The following DENND1C variants were observed in gnomAD, a reference collection of about 807,000 sequenced individuals.
DENND1C encodes DENN domain containing 1C, also known as DENN domain-containing protein 1C.
In DENND1C, 64 loss-of-function variants were observed where a neutral mutation model predicts 87.9. That is an observed-to-expected ratio of 0.73 (90% CI 0.60 to 0.90). DENND1C has a LOEUF of 0.90. Ranked by LOEUF, DENND1C falls within the 40% of genes least tolerant of loss-of-function variation. The pLI is 0.00. For synonymous variants in DENND1C, 384 were observed against 424.4 expected (o/e 0.90, Z 1.17); for missense variants, 980 against 1,037.0 (o/e 0.95, Z 0.76).
In DENND1C at chr19:6,477,801, C is replaced by A. The variant is rs559484409; in HGVS notation, c.367-343G>T. On this transcript the variant is annotated intron_variant, in intron 6 of 22. Transcript: ENST00000381480. ...CTTGTAGGCCGGGCGCGGTGGCTCG[C>A]GCCTGTAATCCCAACCCTTTGGGAG... Among the ~76,000 whole-genome samples, 13 of 148,602 alleles carry A rather than the reference C, an allele frequency of 8.7e-5. No homozygotes were observed. The East Asian group carries it at 2.7e-3, about 31-fold the overall frequency.
chr19:6,478,413 T>TA (rs1004194110), intron 6 of DENND1C, among the ~76,000 whole-genome samples: 1 of 150,426 alleles, frequency 6.6e-6, no homozygotes, highest in African/African-American at 2.4e-5. Context: ...CGGCTAATTT[T>TA]TTTTTTTTTT....
chr19:6,473,752 G>C (rs2092843119), intron 14 of DENND1C, among the ~76,000 whole-genome samples: 1 of 141,454 alleles, frequency 7.1e-6, no homozygotes, highest in South Asian at 2.4e-4. Flanking sequence ...CACCGACCCG[G>C]CTGATTTAAG....
At chr19:6,469,905 G>A (rs2092818197) in intron 18 of DENND1C, 2 of 518,074 alleles carry the variant, frequency 3.9e-6, no homozygotes, top group East Asian at 3.2e-5. Context: ...TTTCAAAGCG[G>A]TGAAGAACAA....
At chr19:6,480,372 GA>G (rs1393812066) in intron 1 of DENND1C, 6 of 1,294,880 alleles carry the variant, frequency 4.6e-6, no homozygotes, top group African/African-American at 1.5e-5. Flanking sequence ...CTGAAAAGAT[GA>G]GACTGTCTCC....
At chr19:6,472,351 T>TC (rs1223057784) in intron 15 of DENND1C, among the ~76,000 whole-genome samples, 1 of 152,052 alleles carries the variant, frequency 6.6e-6, no homozygotes, top group East Asian at 1.9e-4. Context: ...GTAGGTCTTG[T>TC]CCCCCAGGAA....
At position 6,481,731 on chromosome 19, in the gene DENND1C, C is replaced by T. The variant is rs768701420; in HGVS notation, c.-36G>A. On this transcript the variant is annotated 5_prime_UTR_variant, in exon 1 of 23. Coordinates refer to ENST00000381480, the MANE Select transcript of DENND1C (RefSeq NM_024898.4). ...GGGCCAGCCCAGCGGGGCCCTCTCCCCAGGGGTCCTGGGGGCCTGTGTATG... is the reference window on the plus strand; with the variant it reads ...GGGCCAGCCCAGCGGGGCCCTCTCCTCAGGGGTCCTGGGGGCCTGTGTATG... 13 of 1,542,132 alleles carry T rather than the reference C, an allele frequency of 8.4e-6. No homozygotes were observed. In the African/African-American group the frequency reaches 1.8e-4, roughly 22 times the overall value.
intron 1 of DENND1C, among the ~76,000 whole-genome samples, chr19:6,481,233 A>T (rs1372894683): frequency 6.6e-6 from 1 of 151,664 alleles, no homozygotes; most frequent in Non-Finnish European, 1.5e-5. Flanking sequence ...CTGCACACAC[A>T]CTGTCCCGCC....
chr19:6,472,381 C>CA (rs1283836888), intron 15 of DENND1C, among the ~76,000 whole-genome samples: 1 of 152,058 alleles, frequency 6.6e-6, no homozygotes, highest in Non-Finnish European at 1.5e-5. Context: ...TGGGGGCTCC[C>CA]ATGTTTTTGT....
chr19:6,478,908 T>C (rs1288916784), intron 5 of DENND1C, 29 bp downstream of exon 5: 1 of 1,612,854 alleles, frequency 6.2e-7, no homozygotes, highest in Non-Finnish European at 8.5e-7. Context: ...GCCTTTCCCA[T>C]CCCCCCCTCC....
In DENND1C at chr19:6,468,460, C is replaced by G; in HGVS notation, c.1584-19G>C. 1 of 1,604,266 alleles carries G rather than the reference C, an allele frequency of 6.2e-7. No individual in the cohort carries two copies. ...GGGTGTCCTGGGTGAGGATGGGCAGCCTCAGATATTTGCCCAAGACCCCCA... is the reference window on the plus strand; with the variant it reads ...GGGTGTCCTGGGTGAGGATGGGCAGGCTCAGATATTTGCCCAAGACCCCCA... On this transcript the variant is annotated intron_variant, in intron 21 of 22. Coordinates refer to ENST00000381480, the MANE Select transcript of DENND1C (RefSeq NM_024898.4).
At chr19:6,479,632 A>G (rs1228478674) in intron 4 of DENND1C, 37 bp downstream of exon 4, 1 of 1,613,350 alleles carries the variant, frequency 6.2e-7, no homozygotes, top group Admixed American at 1.7e-5. Context: ...GAGAGATCTG[A>G]GTCCCTGAGT....
In DENND1C at chr19:6,467,659, G is replaced by C. The variant is rs760319460; in HGVS notation, c.2251C>G (p.Pro751Ala). 6.5e-7 allele frequency: 1 copy of C among 1,533,676 alleles called. No individual in the cohort carries two copies. The highest frequency in any genetic ancestry group is 8.7e-7 in the Non-Finnish European group (1 of 1,143,202). Reference sequence around the variant, plus strand: ...CGCTCTGCCAGCAGGGCTTTGGGAGGCCGGGCTCTGGGGTCCTCCAGAGAA... The same window carrying C: ...CGCTCTGCCAGCAGGGCTTTGGGAGCCCGGGCTCTGGGGTCCTCCAGAGAA... The part of the protein sequence containing the change: ...PSSLEDPRAR[P>A]PKALLAERAH... The change falls in exon 23 of 23, where the codon CCT becomes GCT. Residue 751 changes from proline (P) to alanine (A), a missense_variant. Transcript: ENST00000381480.
In DENND1C at chr19:6,467,374, G is replaced by A; in HGVS notation, c.*130C>T. On this transcript the variant is annotated 3_prime_UTR_variant, in exon 23 of 23. Transcript: ENST00000381480. ...CAGTTAGAGAGGCTGCCCTTGGAGG[G>A]ACAGAGGTGGGTGGGATGGATTTCC... 7.8e-7 allele frequency: 1 copy of A among 1,280,738 alleles called. No individual in the cohort carries two copies. The allele number at this position is 1,280,738 out of a possible 1,614,324, so 79.3% of individuals were successfully genotyped here.
rs1323977382 is a variant in DENND1C, at chr19:6,468,318, C to G, written c.1707G>C (p.Met569Ile). The G allele has an allele frequency of 1.9e-6, 3 of 1,613,822 alleles. No individual in the cohort carries two copies. The highest frequency in any genetic ancestry group is 3.3e-5 in the Admixed American group (2 of 59,976). ...TCAGGCTGCCTGCGCTCTTGGCTCC[C>G]ATGCTAAGACTGTCCAGAATCTCGC... ...LLSEILDSLS[M>I]GAKSAGSLRP... The change falls in exon 22 of 23, where the codon ATG (methionine) becomes ATC (isoleucine). Residue 569 changes from methionine (M) to isoleucine (I), a missense_variant. Coordinates refer to ENST00000381480, the MANE Select transcript of DENND1C (RefSeq NM_024898.4).
rs1055332223 is a variant in DENND1C, at chr19:6,478,995, G to A, written c.238C>T (p.Arg80Cys). ...TFALTDLAGNRRFGFCRLRAG... is the reference protein window; with the variant it reads ...TFALTDLAGNCRFGFCRLRAG... ...CGCAGGCGGCAGAAACCAAATCTGC[G>A]GTTGCCGGCAAGGTCTGTGAGGGCG... The change falls in exon 5 of 23, where the codon CGC becomes TGC. Residue 80 changes from arginine to cysteine, a missense_variant. Arg to Cys is a radical substitution (Grantham distance 180). Coordinates refer to ENST00000381480, the MANE Select transcript of DENND1C (RefSeq NM_024898.4). 3.7e-6 allele frequency: 6 copies of A among 1,613,742 alleles called. No individual in the cohort carries two copies. The highest frequency in any genetic ancestry group is 1.7e-5 in the Admixed American group (1 of 59,980).
In DENND1C at chr19:6,475,763, G is replaced by A; in HGVS notation, c.780-12C>T. On this transcript the variant is annotated splice_polypyrimidine_tract_variant and intron_variant, in intron 11 of 22. Transcript: ENST00000381480. ...AGGGCATGGGCGCGCTGCGGACCGA[G>A]GGGACGGGGTCATGCAGGCACCGCC... The A allele has an allele frequency of 1.3e-6, 2 of 1,552,396 alleles. No individual in the cohort carries two copies. Among genetic ancestry groups the A allele is most frequent in the South Asian group, 1.2e-5 (1 of 84,590 alleles).
intron 14 of DENND1C, among the ~76,000 whole-genome samples, 185 bp from the exon 15 acceptor site, chr19:6,473,178 C>T (rs765274764): frequency 3.9e-5 from 6 of 152,210 alleles, no homozygotes; most frequent in African/African-American, 7.2e-5. Context: ...TTTTTTGAGA[C>T]GGAGTCTCGC....
chr19:6,475,412 G>T lies in DENND1C; in HGVS notation c.928-13C>A. 6.2e-7 allele frequency: 1 copy of T among 1,612,268 alleles called. No homozygotes were observed. The highest frequency in any genetic ancestry group is 8.5e-7 in the Non-Finnish European group (1 of 1,178,874). On this transcript the variant is annotated splice_polypyrimidine_tract_variant and intron_variant, in intron 13 of 22. Coordinates refer to ENST00000381480, the MANE Select transcript of DENND1C (RefSeq NM_024898.4). ...TCAGCAGGGACACCTGAAGCACAAG[G>T]GAGTGGCCCTGAGTGGGCAGGTGTG...
At chr19:6,475,137 T>C (rs1449652407) in intron 14 of DENND1C, 137 bp downstream of exon 14, 17 of 1,396,408 alleles carry the variant, frequency 1.2e-5, no homozygotes, top group Non-Finnish European at 1.6e-5. Context: ...GCTCAAGCAA[T>C]TCTCCCATCT....
Sources: gnomAD v4.1 joint callset for allele counts (sites outside exome capture counted in the v4.1 genomes callset) on GRCh38, gnomAD v4.1.1 for gene constraint, MANE v1.5 for transcripts, NCBI Gene and HGNC (gene_info 2026-07-23, HGNC 2026-07-21) for gene names.